PFDN1: variants seen among roughly 807,000 people sequenced by gnomAD.
The protein encoded by PFDN1 is prefoldin subunit 1.
In PFDN1, 6 loss-of-function variants were observed where a neutral mutation model predicts 17.3. That is an observed-to-expected ratio of 0.35 (90% CI 0.19 to 0.69). The LOEUF (loss-of-function observed/expected upper bound fraction) is 0.69. Ranked by LOEUF, PFDN1 falls within the 30% of genes least tolerant of loss-of-function variation. The probability of loss-of-function intolerance (pLI) is 0.65; values close to 1 mark genes in which losing one functional copy is unlikely to be tolerated. For missense variants in PFDN1, 113 were observed against 146.2 expected (o/e 0.77, Z 1.17); for synonymous variants, 58 against 50.1 (o/e 1.16, Z -0.67).
chr5:140,273,470 A>G (rs1163294679), intron 3 of PFDN1, among the ~76,000 whole-genome samples: 6 of 152,122 alleles, frequency 3.9e-5, no homozygotes, highest in Admixed American at 2.6e-4. Flanking sequence ...AAATTTCCTC[A>G]ATCATGGGAA....
chr5:140,299,077 G>T (rs1165194299), intron 2 of PFDN1, among the ~76,000 whole-genome samples: 1 of 151,442 alleles, frequency 6.6e-6, no homozygotes, highest in Non-Finnish European at 1.5e-5. Flanking sequence ...AATGACAATT[G>T]AATTTTTATT....
Position 140,247,372 on chromosome 5 carries a change from C to T in PFDN1, c.286-1315G>A, listed in dbSNP as rs189158902. ...CCAGGCTGATCTCAAACTCCTGGACCCAAGCGATCCTCCCTCCTCGGTCTC... is the reference window on the plus strand; with the variant it reads ...CCAGGCTGATCTCAAACTCCTGGACTCAAGCGATCCTCCCTCCTCGGTCTC... On this transcript the variant is annotated intron_variant, in intron 3 of 3. Transcript: ENST00000261813. 1.7e-3 allele frequency among the ~76,000 whole-genome samples: 252 copies of T among 151,910 alleles called. 8 individuals carry two copies. Among genetic ancestry groups the T allele is most frequent in the Non-Finnish European group, 2.1e-4 (14 of 67,956 alleles).
At chr5:140,258,844 T>C (rs1033713156) in intron 3 of PFDN1, among the ~76,000 whole-genome samples, 1 of 152,150 alleles carries the variant, frequency 6.6e-6, no homozygotes, top group Admixed American at 6.5e-5. Flanking sequence ...CCAAATGAGA[T>C]GTGAAAAACT....
chr5:140,250,467 T>TG (rs71276333), intron 3 of PFDN1, among the ~76,000 whole-genome samples: 29,527 of 152,196 alleles, frequency 0.19, 3,054 homozygotes, highest in South Asian at 0.24. Context: ...GAGTACATGC[T>TG]GCCCAATACT....
At chr5:140,267,164 T>C (rs1042862359) in intron 3 of PFDN1, among the ~76,000 whole-genome samples, 4 of 152,258 alleles carry the variant, frequency 2.6e-5, no homozygotes, top group African/African-American at 9.6e-5. Flanking sequence ...CATGCTGCGG[T>C]GTGGGTTACA....
chr5:140,272,351 G>C (rs1765218871), intron 3 of PFDN1, among the ~76,000 whole-genome samples: 1 of 135,698 alleles, frequency 7.4e-6, no homozygotes, highest in South Asian at 2.4e-4. Context: ...TACATCCATA[G>C]GTGGTAAAAC....
intron 2 of PFDN1, among the ~76,000 whole-genome samples, chr5:140,282,316 A>G (rs1474865205): frequency 1.3e-5 from 2 of 151,608 alleles, no homozygotes; most frequent in African/African-American, 4.8e-5. Flanking sequence ...ACAAACAAAT[A>G]CCCTATAAGT....
At chr5:140,286,568 G>A (rs1765494345) in intron 2 of PFDN1, among the ~76,000 whole-genome samples, 1 of 131,346 alleles carries the variant, frequency 7.6e-6, no homozygotes, top group South Asian at 2.4e-4. Context: ...CTCGAAAAAT[G>A]TTTCCTCTTG....
chr5:140,300,394 A>G (rs1765724848), intron 2 of PFDN1, 22 bp downstream of exon 2: 1 of 1,550,428 alleles, frequency 6.4e-7, no homozygotes, highest in East Asian at 2.3e-5. Context: ...AAATAACTCC[A>G]TTAAGGACAC....
Position 140,245,550 on chromosome 5 carries a change from A to G in PFDN1, c.*424T>C, listed in dbSNP as rs968654991. 8.5e-6 allele frequency: 6 copies of G among 702,508 alleles called. No homozygotes were observed. The highest frequency in any genetic ancestry group is 7.0e-5 in the African/African-American group (4 of 57,278). The allele number at this position is 702,508 out of a possible 1,614,324, so 43.5% of individuals were successfully genotyped here. ...CAAGAAAGGAAGGGCTCTGATGCAG[A>G]GGGAGCAGGAGCTGAGGTGGAGACG... is the stretch of plus-strand genomic sequence containing the variant. On this transcript the variant is annotated 3_prime_UTR_variant, in exon 4 of 4. Coordinates refer to ENST00000261813, the MANE Select transcript of PFDN1 (RefSeq NM_002622.5).
At chr5:140,247,290 ATT>A (rs754490930) in intron 3 of PFDN1, among the ~76,000 whole-genome samples, 18 of 142,100 alleles carry the variant, frequency 1.3e-4, no homozygotes, top group Non-Finnish European at 1.6e-4. Flanking sequence ...TGCCCGGCTA[ATT>A]TTTTTTTTTT....
chr5:140,293,073 T>G (rs1400680466), intron 2 of PFDN1: 1 of 152,088 alleles, frequency 6.6e-6, no homozygotes, highest in Non-Finnish European at 1.5e-5. Flanking sequence ...GGCTTAAAAT[T>G]GACTGTTTTC....
At chr5:140,298,267 A>G (rs958335973) in intron 2 of PFDN1, among the ~76,000 whole-genome samples, 3 of 152,140 alleles carry the variant, frequency 2.0e-5, no homozygotes, top group South Asian at 4.1e-4. Context: ...GAGCAGGTCT[A>G]CTTCTCATGA....
chr5:140,259,995 T>G (rs1278194278), intron 3 of PFDN1, among the ~76,000 whole-genome samples: 4 of 152,046 alleles, frequency 2.6e-5, no homozygotes, highest in Admixed American at 6.6e-5. Context: ...ATTACAAAAA[T>G]GCAAATTTAA....
At chr5:140,267,638 G>A (rs2126684352) in intron 3 of PFDN1, among the ~76,000 whole-genome samples, 1 of 152,186 alleles carries the variant, frequency 6.6e-6, no homozygotes, top group Admixed American at 6.5e-5. Flanking sequence ...GCCAGGGCTG[G>A]CCTTAGAACC....
chr5:140,245,636 G>C lies in PFDN1; in HGVS notation c.*338C>G. On this transcript the variant is annotated 3_prime_UTR_variant, in exon 4 of 4. Transcript: ENST00000261813. ...GCTCAAGAAAACCAGGCTTAGCAGA[G>C]TGGGACAGACGCTTTTTATTGGTCT... The C allele has an allele frequency of 4.3e-6, 3 of 694,870 alleles. No individual in the cohort carries two copies. In the South Asian group the frequency reaches 4.5e-5, roughly 10 times the overall value. 43.0% of individuals were successfully genotyped at this position (694,870 alleles called of 1,614,324 possible). A position where few individuals can be genotyped will look rare whatever the true frequency, so the allele number is the denominator to read the frequency against.
intron 3 of PFDN1, among the ~76,000 whole-genome samples, chr5:140,249,647 A>G (rs1284547376): frequency 6.6e-6 from 1 of 152,170 alleles, no homozygotes; most frequent in Non-Finnish European, 1.5e-5. Flanking sequence ...CAGGCTATAC[A>G]AGCATGGTGC....
At chr5:140,300,366 C>A (rs763239286) in intron 2 of PFDN1, 50 bp downstream of exon 2, 2 of 1,351,592 alleles carry the variant, frequency 1.5e-6, no homozygotes, top group African/African-American at 2.9e-5. Flanking sequence ...CTATTTAACT[C>A]GGACAAAAGC....
chr5:140,256,841 C>T (rs1016512601), intron 3 of PFDN1, among the ~76,000 whole-genome samples: 9 of 152,006 alleles, frequency 5.9e-5, no homozygotes, highest in African/African-American at 1.7e-4. Context: ...CCACTGCCCT[C>T]GTCCTAGTCC....
Sources: allele counts gnomAD v4.1 joint callset (sites outside exome capture counted in the v4.1 genomes callset), GRCh38; gene constraint gnomAD v4.1.1; transcripts MANE v1.5; gene names NCBI Gene and HGNC (gene_info 2026-07-23, HGNC 2026-07-21).